Variants in CREB5 observed in about 807,000 individuals in gnomAD.
CREB5 encodes the protein cyclic AMP-responsive element-binding protein 5.
CREB5 carries 19 observed loss-of-function variants against 57.1 expected under a neutral mutation model. The observed-to-expected ratio is 0.33, with a 90% CI of 0.23 to 0.49. CREB5 has a LOEUF of 0.49. Among genes scored for constraint, CREB5 ranks in the 20% least tolerant of loss-of-function variants. The pLI, the probability that CREB5 is intolerant of heterozygous loss-of-function variation, is 0.99. For missense variants in CREB5, 579 were observed against 671.6 expected, an observed-to-expected ratio of 0.86 and a Z score of 1.52; for synonymous variants, 238 against 238.3, an observed-to-expected ratio of 1.00 and a Z score of 0.01.
chr7:28,646,394 A>G (rs534269505), intron 5 of CREB5, among the ~76,000 whole-genome samples: 1 of 152,334 alleles, frequency 6.6e-6, no homozygotes, highest in African/African-American at 2.4e-5. Context: ...GAGAAACATC[A>G]GTCACATCTT....
chr7:28,455,654 C>G (rs1341890918), intron 1 of CREB5, among the ~76,000 whole-genome samples: 2 of 150,158 alleles, frequency 1.3e-5, no homozygotes, highest in African/African-American at 2.5e-5. Context: ...GAATACTGCG[C>G]TTTGGGGCTT....
chr7:28,342,057 A>C (rs917965611), intron 1 of CREB5, among the ~76,000 whole-genome samples: 4 of 152,224 alleles, frequency 2.6e-5, no homozygotes, highest in Non-Finnish European at 4.4e-5. Context: ...ATTTTATATT[A>C]GTAAAATTTC....
chr7:28,798,327 T>C (rs1808166263), intron 7 of CREB5, among the ~76,000 whole-genome samples: 2 of 126,308 alleles, frequency 1.6e-5, no homozygotes, highest in South Asian at 5.1e-4. Flanking sequence ...ATGTTTCTAA[T>C]TGGCATGAAC....
intron 3 of CREB5, among the ~76,000 whole-genome samples, chr7:28,501,143 C>T (rs1469594612): frequency 6.6e-6 from 1 of 152,080 alleles, no homozygotes; most frequent in Non-Finnish European, 1.5e-5. Context: ...TGTAATTTTC[C>T]TACCATACAC....
At chr7:28,589,553 C>G (rs1462574234) in intron 5 of CREB5, among the ~76,000 whole-genome samples, 1 of 151,794 alleles carries the variant, frequency 6.6e-6, no homozygotes, top group Non-Finnish European at 1.5e-5. Flanking sequence ...CACTCTGTCT[C>G]AAAAACAAAA....
chr7:28,384,847 T>C (rs922652160), intron 1 of CREB5, among the ~76,000 whole-genome samples: 4 of 152,204 alleles, frequency 2.6e-5, no homozygotes, highest in African/African-American at 4.8e-5. Context: ...TAGAATACTA[T>C]AATCAATTTA....
At chr7:28,776,119 T>C (rs920318087) in intron 7 of CREB5, among the ~76,000 whole-genome samples, 2 of 151,962 alleles carry the variant, frequency 1.3e-5, no homozygotes, top group South Asian at 2.1e-4. Context: ...GGGCGGATCA[T>C]GAGGTCAGGA....
chr7:28,314,739 G>T (rs933867460), intron 1 of CREB5, among the ~76,000 whole-genome samples: 1 of 152,160 alleles, frequency 6.6e-6, no homozygotes, highest in African/African-American at 2.4e-5. Flanking sequence ...CAGGTCCCCA[G>T]TGTCTCTTTA....
chr7:28,656,441 A>G (rs1336212035), intron 5 of CREB5, among the ~76,000 whole-genome samples: 1 of 152,200 alleles, frequency 6.6e-6, no homozygotes. Context: ...AACAACAAAA[A>G]AGAAATCACT....
intron 1 of CREB5, among the ~76,000 whole-genome samples, chr7:28,344,867 A>C (rs1363225765): frequency 6.6e-6 from 1 of 152,214 alleles, no homozygotes; most frequent in Admixed American, 6.5e-5. Flanking sequence ...CTATACTTAC[A>C]TCAGATAAAA....
intron 1 of CREB5, among the ~76,000 whole-genome samples, chr7:28,480,516 C>CT (rs1446111084): frequency 6.6e-6 from 1 of 151,332 alleles, no homozygotes; most frequent in Admixed American, 6.6e-5. Flanking sequence ...GTTTTCTTTC[C>CT]TTTTTGTGCA....
intron 5 of CREB5, among the ~76,000 whole-genome samples, chr7:28,665,571 T>C (rs79104962): frequency 0.014 from 2,115 of 152,258 alleles, 46 homozygotes; most frequent in African/African-American, 0.041. Flanking sequence ...ATTTAGGAAC[T>C]TTATAAGAAA....
At chr7:28,629,930 A>G (rs971782940) in intron 5 of CREB5, among the ~76,000 whole-genome samples, 3 of 152,222 alleles carry the variant, frequency 2.0e-5, no homozygotes, top group Non-Finnish European at 4.4e-5. Context: ...TCTATGGCAC[A>G]TTCAGAAAAC....
intron 5 of CREB5, among the ~76,000 whole-genome samples, chr7:28,589,326 G>A (rs1427457393): frequency 1.3e-5 from 2 of 152,098 alleles, no homozygotes; most frequent in African/African-American, 4.8e-5. Context: ...AGACCGAGGT[G>A]GGTGGATCAC....
intron 7 of CREB5, among the ~76,000 whole-genome samples, chr7:28,747,043 A>C (rs746606585): frequency 3.9e-5 from 6 of 152,298 alleles, no homozygotes; most frequent in Middle Eastern, 6.8e-3. Context: ...TTATTTTCTA[A>C]ATCCTTATCT....
intron 1 of CREB5, among the ~76,000 whole-genome samples, chr7:28,444,316 C>T (rs989396011): frequency 1.3e-5 from 2 of 152,078 alleles, no homozygotes; most frequent in African/African-American, 2.4e-5. Flanking sequence ...CGCATCTTTT[C>T]CCAACAAAGA....
chr7:28,660,437 G>A (rs1424296611), intron 5 of CREB5, among the ~76,000 whole-genome samples: 1 of 109,802 alleles, frequency 9.1e-6, no homozygotes, highest in East Asian at 2.6e-4. Context: ...CTGTTATTCT[G>A]AAGAGATACA....
rs75675022 is a variant in CREB5, at chr7:28,564,083, G to C, written c.292-6282G>C. On this transcript the variant is annotated intron_variant, in intron 4 of 10. Transcript: ENST00000357727. ...TAGCTTCCAGAGGGTTAGAACCTTT[G>C]TTATTCTGTGAATGTCTTGCATATC... 8.2e-3 allele frequency among the ~76,000 whole-genome samples: 1,249 copies of C among 152,236 alleles called. 18 individuals carry two copies. Among genetic ancestry groups the C allele is most frequent in the African/African-American group, 0.029 (1,196 of 41,548 alleles).
intron 5 of CREB5, among the ~76,000 whole-genome samples, chr7:28,695,635 A>G (rs1282211443): frequency 6.6e-6 from 1 of 152,016 alleles, no homozygotes; most frequent in East Asian, 1.9e-4. Flanking sequence ...CATTGGGGTA[A>G]ATGTCCTGGA....
Sources: gnomAD v4.1 joint callset for allele counts (sites outside exome capture counted in the v4.1 genomes callset) on GRCh38, gnomAD v4.1.1 for gene constraint, MANE v1.5 for transcripts, NCBI Gene and HGNC (gene_info 2026-07-23, HGNC 2026-07-21) for gene names.